The following DNM3 variants were observed in gnomAD, a reference collection of about 807,000 sequenced individuals.
DNM3 encodes the protein dynamin 3.
A neutral mutation model predicts 101.6 loss-of-function variants in DNM3; 47 were observed. The observed-to-expected ratio is 0.46, with a 90% CI of 0.37 to 0.59. DNM3 has a LOEUF of 0.59. DNM3 is among the 20% of genes least tolerant of loss of function. The pLI, the probability that DNM3 is intolerant of heterozygous loss-of-function variation, is 0.00. For missense variants in DNM3, 849 were observed against 1,085.7 expected, an observed-to-expected ratio of 0.78 and a Z score of 3.06; for synonymous variants, 385 against 387.9, an observed-to-expected ratio of 0.99 and a Z score of 0.09.
At chr1:171,933,098 A>C (rs1254903873) in intron 2 of DNM3, among the ~76,000 whole-genome samples, 1 of 152,172 alleles carries the variant, frequency 6.6e-6, no homozygotes, top group East Asian at 1.9e-4. Context: ...TTCTGTCTAC[A>C]GTCTTTCAGG....
At chr1:171,942,293 C>T (rs1191922718) in intron 2 of DNM3, among the ~76,000 whole-genome samples, 3 of 142,832 alleles carry the variant, frequency 2.1e-5, no homozygotes, top group African/African-American at 5.2e-5. Context: ...CTCTGAGATA[C>T]TGGCACAGAG....
intron 6 of DNM3, among the ~76,000 whole-genome samples, chr1:172,034,385 A>C (rs2048818888): frequency 6.6e-6 from 1 of 152,126 alleles, no homozygotes; most frequent in Non-Finnish European, 1.5e-5. Context: ...TCTTTAGAAT[A>C]CTGCTTTAAC....
Position 172,057,273 on chromosome 1 carries a change from A to G in DNM3, c.1335+8523A>G, listed in dbSNP as rs530066333. Among the ~76,000 whole-genome samples the G allele has an allele frequency of 2.2e-4, 33 of 152,312 alleles. No homozygotes were observed. The East Asian group carries it at 5.6e-3, about 26-fold the overall frequency. ...GAACCAAGTTGGAAAACACTCTGCAAGATATTATCCAGGAGAACTTCCCCA... is the reference window on the plus strand; with the variant it reads ...GAACCAAGTTGGAAAACACTCTGCAGGATATTATCCAGGAGAACTTCCCCA... On this transcript the variant is annotated intron_variant, in intron 10 of 20. Transcript: ENST00000627582.
At chr1:171,996,224 G>A (rs2045986136) in intron 4 of DNM3, among the ~76,000 whole-genome samples, 1 of 152,068 alleles carries the variant, frequency 6.6e-6, no homozygotes, top group Non-Finnish European at 1.5e-5. Flanking sequence ...GTAGAAGAGG[G>A]TTTTTAGCAT....
chr1:172,352,527 C>T (rs140889067), intron 17 of DNM3, among the ~76,000 whole-genome samples: 175 of 152,226 alleles, frequency 1.1e-3, no homozygotes, highest in African/African-American at 4.0e-3. Flanking sequence ...AATGTATAAA[C>T]AAACTATACT....
At chr1:172,076,812 G>A (rs367974838) in intron 11 of DNM3, among the ~76,000 whole-genome samples, 128 of 152,236 alleles carry the variant, frequency 8.4e-4, no homozygotes, top group African/African-American at 3.0e-3. Context: ...TTTGGTATTA[G>A]GATGACGTTG....
chr1:172,193,589 G>C (rs1056465205), intron 14 of DNM3, among the ~76,000 whole-genome samples: 33 of 152,074 alleles, frequency 2.2e-4, no homozygotes, highest in African/African-American at 6.8e-4. Context: ...TTAGTCTTGG[G>C]AGGGTGTATG....
At chr1:172,045,418 T>G (rs979620122) in intron 9 of DNM3, among the ~76,000 whole-genome samples, 3 of 152,106 alleles carry the variant, frequency 2.0e-5, no homozygotes, top group Non-Finnish European at 4.4e-5. Flanking sequence ...TATTCTGTCC[T>G]CATGTGGCAG....
Position 172,409,933 on chromosome 1 carries a change from C to T in DNM3, c.*2092C>T. The stretch of plus-strand genomic sequence containing the variant: ...GTTCTTAGATCAGCACAAACCATGT[C>T]AAAAAAAATTGGAGATTTTTTTCCA... On this transcript the variant is annotated 3_prime_UTR_variant, in exon 21 of 21. Coordinates refer to ENST00000627582, the MANE Select transcript of DNM3 (RefSeq NM_015569.5). The T allele has an allele frequency of 1.0e-6, 1 of 985,218 alleles. No individual in the cohort carries two copies. The highest frequency in any genetic ancestry group is 1.2e-6 in the Non-Finnish European group (1 of 829,656). The allele number at this position is 985,218 out of a possible 1,614,324, so 61.0% of individuals were successfully genotyped here. A position where few individuals can be genotyped will look rare whatever the true frequency, so the allele number is the denominator to read the frequency against.
intron 14 of DNM3, among the ~76,000 whole-genome samples, chr1:172,170,542 A>G: frequency 6.6e-6 from 1 of 151,914 alleles, no homozygotes; most frequent in East Asian, 1.9e-4. Context: ...TAAGGCTCCT[A>G]GTATGGGGAA....
Position 172,388,754 on chromosome 1 carries a change from G to A in DNM3, c.2467G>A (p.Gly823Arg), listed in dbSNP as rs774656112. The A allele has an allele frequency of 3.1e-6, 5 of 1,609,956 alleles. No individual in the cohort carries two copies. The highest frequency in any genetic ancestry group is 1.3e-5 in the African/African-American group (1 of 74,802). Residue 823 changes from glycine (G) to arginine (R), a missense_variant, in exon 20 of 21, where the codon GGA becomes AGA. Coordinates refer to ENST00000627582, the MANE Select transcript of DNM3 (RefSeq NM_015569.5). ...TTTCCCCAGCAGCAGTGACTCCTTC[G>A]GAGCCCCTCCACAAGTTCCATCTAG... ...PPFPSSSDSF[G>R]APPQVPSRPT... is the part of the protein sequence containing the mutation.
At chr1:172,364,923 A>G (rs2067929500) in intron 17 of DNM3, among the ~76,000 whole-genome samples, 1 of 151,886 alleles carries the variant, frequency 6.6e-6, no homozygotes, top group South Asian at 2.1e-4. Context: ...GCCTCCCCAG[A>G]AGCCAGGCAG....
At chr1:172,297,868 T>G (rs1263694932) in intron 15 of DNM3, among the ~76,000 whole-genome samples, 1 of 152,104 alleles carries the variant, frequency 6.6e-6, no homozygotes, top group Non-Finnish European at 1.5e-5. Context: ...AGGGAAAGCT[T>G]CTTTTTAAAA....
At chr1:172,016,375 G>A (rs983021971) in intron 4 of DNM3, among the ~76,000 whole-genome samples, 1 of 147,594 alleles carries the variant, frequency 6.8e-6, no homozygotes, top group Non-Finnish European at 1.5e-5. Context: ...TTATTAATAG[G>A]ATCATGTGAT....
chr1:171,901,327 A>G (rs2038336127), intron 1 of DNM3, among the ~76,000 whole-genome samples: 1 of 152,088 alleles, frequency 6.6e-6, no homozygotes, highest in African/African-American at 2.4e-5. Flanking sequence ...GCACGGAGAG[A>G]CAAGAGGTGA....
chr1:172,055,573 T>C (rs1158730814), intron 10 of DNM3, among the ~76,000 whole-genome samples: 1 of 152,108 alleles, frequency 6.6e-6, no homozygotes, highest in Non-Finnish European at 1.5e-5. Flanking sequence ...GAATACAAGT[T>C]CCATGAGAAT....
At chr1:172,357,159 C>A (rs1346156562) in intron 17 of DNM3, among the ~76,000 whole-genome samples, 1 of 151,874 alleles carries the variant, frequency 6.6e-6, no homozygotes, top group Non-Finnish European at 1.5e-5. Flanking sequence ...TAAAAATCAC[C>A]ATTTGCAAAA....
At chr1:172,244,881 T>C (rs2061892569) in intron 14 of DNM3, among the ~76,000 whole-genome samples, 1 of 152,212 alleles carries the variant, frequency 6.6e-6, no homozygotes, top group Admixed American at 6.5e-5. Flanking sequence ...CTATAAATCA[T>C]GCTGCTATAA....
intron 13 of DNM3, among the ~76,000 whole-genome samples, chr1:172,097,939 G>T (rs1420234468): frequency 1.3e-5 from 2 of 152,128 alleles, no homozygotes; most frequent in African/African-American, 4.8e-5. Flanking sequence ...GGGAGGGAGT[G>T]TACGAATAGG....
Sources: gnomAD v4.1 joint callset for allele counts (sites outside exome capture counted in the v4.1 genomes callset) on GRCh38, gnomAD v4.1.1 for gene constraint, MANE v1.5 for transcripts, NCBI Gene and HGNC (gene_info 2026-07-23, HGNC 2026-07-21) for gene names.